The following PLEKHA2 variants were observed in gnomAD, a reference collection of about 807,000 sequenced individuals.
PLEKHA2 encodes the protein pleckstrin homology domain containing A2, also known as pleckstrin homology domain-containing family A member 2.
A neutral mutation model predicts 53.2 loss-of-function variants in PLEKHA2; 28 were observed. That is an observed-to-expected ratio of 0.53 (90% confidence interval 0.39 to 0.72). PLEKHA2 has a LOEUF of 0.72. Among genes scored for constraint, PLEKHA2 ranks in the 30% least tolerant of loss-of-function variants. The probability of loss-of-function intolerance (pLI) is 0.00; values close to 1 mark genes in which losing one functional copy is unlikely to be tolerated. For missense variants in PLEKHA2, 426 were observed against 537.9 expected (o/e 0.79, Z 2.06); for synonymous variants, 193 against 196.4 (o/e 0.98, Z 0.14).
chr8:38,917,289 G>C (rs770473603), intron 1 of PLEKHA2, among the ~76,000 whole-genome samples: 1 of 152,176 alleles, frequency 6.6e-6, no homozygotes, highest in South Asian at 2.1e-4. Context: ...ATGTGATCCC[G>C]CCTGTCCATG....
rs1300367568 is a variant in PLEKHA2, at chr8:38,967,664, CT to C, written c.838-913del. On this transcript the variant is annotated intron_variant, in intron 10 of 11. Transcript: ENST00000617275. The stretch of plus-strand genomic sequence containing the variant: ...GAAAACTATTCATGTCCTTTGCTCA[CT>C]TTTTTTTTTTTTTTGAGACAGAGTC... Among the ~76,000 whole-genome samples the C allele has an allele frequency of 3.7e-3, 518 of 141,856 alleles. 1 individual carries two copies. Among genetic ancestry groups the C allele is most frequent in the Middle Eastern group, 0.011 (3 of 274 alleles). 93.1% of individuals were successfully genotyped at this position (141,856 alleles called of 152,430 possible).
At chr8:38,911,297 C>T (rs1487650458) in intron 1 of PLEKHA2, among the ~76,000 whole-genome samples, 2 of 151,540 alleles carry the variant, frequency 1.3e-5, no homozygotes, top group South Asian at 2.1e-4. Context: ...GGTGCAGTGG[C>T]ATGATCTCGG....
rs906648885 is a variant in PLEKHA2 at position 38,970,254 on chromosome 8, G to A, written c.*471G>A. On this transcript the variant is annotated 3_prime_UTR_variant, in exon 12 of 12. Coordinates refer to ENST00000617275, the MANE Select transcript of PLEKHA2 (RefSeq NM_021623.2). ...GGCCAGCATTAGTCTAATTTTAAGCGCTATGTGTTTTGTACCCTTGCAAAC... is the reference window on the plus strand; with the variant it reads ...GGCCAGCATTAGTCTAATTTTAAGCACTATGTGTTTTGTACCCTTGCAAAC... The A allele has an allele frequency of 3.0e-5, 12 of 401,012 alleles. No individual in the cohort carries two copies. The highest frequency in any genetic ancestry group is 1.9e-4 in the East Asian group (5 of 26,378). The allele number at this position is 401,012 out of a possible 1,614,324, so 24.8% of individuals were successfully genotyped here. A position where few individuals can be genotyped will look rare whatever the true frequency, so the allele number is the denominator to read the frequency against.
At chr8:38,961,638 C>T (rs1835043926) in intron 10 of PLEKHA2, among the ~76,000 whole-genome samples, 2 of 152,156 alleles carry the variant, frequency 1.3e-5, no homozygotes, top group South Asian at 2.1e-4. Flanking sequence ...CAGTTTTACC[C>T]ACCATGCCAA....
Position 38,957,345 on chromosome 8 carries a change from C to A in PLEKHA2, c.796C>A (p.Leu266Met). The change falls in exon 10 of 12, where the codon CTG becomes ATG. Residue 266 changes from leucine (L) to methionine (M), a missense_variant. Leu to Met is a conservative substitution (Grantham distance 15). Transcript: ENST00000617275. ...TAGTGATCTCTTAATGAGGGACAACCTGTTTGAAATAATAACAAGCTCCAG... is the reference window on the plus strand; with the variant it reads ...TAGTGATCTCTTAATGAGGGACAACATGTTTGAAATAATAACAAGCTCCAG... ...KSGDLLMRDNLFEIITSSRTF... is the reference protein window; with the variant it reads ...KSGDLLMRDNMFEIITSSRTF... 1.9e-6 allele frequency: 3 copies of A among 1,613,218 alleles called. No individual in the cohort carries two copies. Among genetic ancestry groups the A allele is most frequent in the Non-Finnish European group, 2.5e-6 (3 of 1,179,300 alleles).
At chr8:38,934,244 A>G (rs1237503131) in intron 2 of PLEKHA2, among the ~76,000 whole-genome samples, 1 of 152,108 alleles carries the variant, frequency 6.6e-6, no homozygotes, top group Admixed American at 6.6e-5. Context: ...AAGCAGTCCC[A>G]GCCTCCCAAA....
chr8:38,960,925 T>C (rs891865234), intron 10 of PLEKHA2: 1 of 152,256 alleles, frequency 6.6e-6, no homozygotes, highest in Non-Finnish European at 1.5e-5. Flanking sequence ...TTTTTATCCA[T>C]GCATGGTTTT....
chr8:38,972,147 C>A lies in PLEKHA2; in HGVS notation c.*2364C>A, dbSNP rs542038808. 1 of 152,144 alleles carries A rather than the reference C, an allele frequency of 6.6e-6. No homozygotes were observed. Among genetic ancestry groups the A allele is most frequent in the South Asian group, 2.1e-4 (1 of 4,820 alleles). The allele number at this position is 152,144 out of a possible 1,614,324, so 9.4% of individuals were successfully genotyped here. ...AAATCTTCTTGTCAATTGGCAAACACTTGGGAATTCCACATTAGAGCATTG... is the reference window on the plus strand; with the variant it reads ...AAATCTTCTTGTCAATTGGCAAACAATTGGGAATTCCACATTAGAGCATTG... On this transcript the variant is annotated 3_prime_UTR_variant, in exon 12 of 12. Transcript: ENST00000617275.
intron 1 of PLEKHA2, among the ~76,000 whole-genome samples, chr8:38,911,739 C>CT (rs930790055): frequency 1.3e-5 from 2 of 152,124 alleles, no homozygotes; most frequent in African/African-American, 2.4e-5. Context: ...CTTTGGGAGG[C>CT]TTGAGGCAGG....
chr8:38,908,438 CTTGT>C (rs1385874434), intron 1 of PLEKHA2, among the ~76,000 whole-genome samples: 3 of 152,106 alleles, frequency 2.0e-5, no homozygotes, highest in South Asian at 2.1e-4. Context: ...TAGGGAAGGC[CTTGT>C]TTGTTTGTGG....
Position 38,953,377 on chromosome 8 carries a change from T to C in PLEKHA2, c.773+10T>C. On this transcript the variant is annotated intron_variant, in intron 9 of 11. Coordinates refer to ENST00000617275, the MANE Select transcript of PLEKHA2 (RefSeq NM_021623.2). Reference sequence around the variant, plus strand: ...GTCTGGTCAAGTCTGGGTAATTGTGTCTGCTTTTTCTCTTCTAATCCAAAC... The same window carrying C: ...GTCTGGTCAAGTCTGGGTAATTGTGCCTGCTTTTTCTCTTCTAATCCAAAC... 1 of 1,597,204 alleles carries C rather than the reference T, an allele frequency of 6.3e-7. No individual in the cohort carries two copies. The highest frequency in any genetic ancestry group is 1.1e-5 in the South Asian group (1 of 90,750).
chr8:38,969,926 G>A lies in PLEKHA2; in HGVS notation c.*143G>A. 1 of 1,157,862 alleles carries A rather than the reference G, an allele frequency of 8.6e-7. No homozygotes were observed. Among genetic ancestry groups the A allele is most frequent in the Non-Finnish European group, 1.2e-6 (1 of 838,214 alleles). 71.7% of individuals were successfully genotyped at this position (1,157,862 alleles called of 1,614,324 possible). ...TGTGGATGCTCTTTGGGAGGGAGGGGCCCATCCAGCTGGGCTGTGTGTGTG... is the reference window on the plus strand; with the variant it reads ...TGTGGATGCTCTTTGGGAGGGAGGGACCCATCCAGCTGGGCTGTGTGTGTG... On this transcript the variant is annotated 3_prime_UTR_variant, in exon 12 of 12. Coordinates refer to ENST00000617275, the MANE Select transcript of PLEKHA2 (RefSeq NM_021623.2).
chr8:38,909,871 C>T (rs772911811), intron 1 of PLEKHA2, among the ~76,000 whole-genome samples: 15 of 152,232 alleles, frequency 9.9e-5, no homozygotes, highest in Non-Finnish European at 1.6e-4. Flanking sequence ...TATTTTCATT[C>T]GCAGTACATA....
intron 5 of PLEKHA2, 145 bp from the exon 6 acceptor site, chr8:38,950,705 G>T: frequency 1.1e-6 from 1 of 929,390 alleles, no homozygotes; most frequent in Non-Finnish European, 1.6e-6. Context: ...TTCAGATTTG[G>T]ACTGTGGAAG....
chr8:38,903,037 C>G (rs1240778940), intron 1 of PLEKHA2, among the ~76,000 whole-genome samples: 1 of 152,192 alleles, frequency 6.6e-6, no homozygotes, highest in African/African-American at 2.4e-5. Context: ...GTACCAGGTG[C>G]TAAGTAAATG....
intron 10 of PLEKHA2, among the ~76,000 whole-genome samples, chr8:38,965,676 G>A (rs1248003995): frequency 6.6e-6 from 1 of 152,058 alleles, no homozygotes; most frequent in Non-Finnish European, 1.5e-5. Context: ...GATCTTTGAG[G>A]TAGGAATTAG....
At chr8:38,902,443 T>C (rs1211138918) in intron 1 of PLEKHA2, among the ~76,000 whole-genome samples, 1 of 152,094 alleles carries the variant, frequency 6.6e-6, no homozygotes, top group Non-Finnish European at 1.5e-5. Flanking sequence ...GCCCGCCCCC[T>C]TTCTTTCTTT....
intron 2 of PLEKHA2, among the ~76,000 whole-genome samples, chr8:38,927,097 C>G (rs187191374): frequency 2.0e-4 from 31 of 152,300 alleles, no homozygotes; most frequent in Non-Finnish European, 3.5e-4. Context: ...TAAGTTTTCT[C>G]AAAACTTCTC....
At chr8:38,942,237 A>G (rs1054825713) in intron 3 of PLEKHA2, among the ~76,000 whole-genome samples, 2 of 148,398 alleles carry the variant, frequency 1.3e-5, no homozygotes, top group African/African-American at 4.9e-5. Flanking sequence ...CCCCATCTCT[A>G]AAAAAAAAAT....
Sources: gnomAD v4.1 joint callset for allele counts (sites outside exome capture counted in the v4.1 genomes callset) on GRCh38, gnomAD v4.1.1 for gene constraint, MANE v1.5 for transcripts, NCBI Gene and HGNC (gene_info 2026-07-23, HGNC 2026-07-21) for gene names.